Variants in ZNF883 observed in about 807,000 individuals in gnomAD.
ZNF883 encodes zinc finger protein 883.
downstream of ZNF883, among the ~76,000 whole-genome samples, chr9:112,995,745 A>G (rs908378604): frequency 6.6e-6 from 1 of 152,140 alleles, no homozygotes; most frequent in Non-Finnish European, 1.5e-5. Flanking sequence ...TCTATTTTTG[A>G]AATAGTCTAG....
exon 1 of ZNF883, chr9:112,997,127 G>A: frequency 6.3e-7 from 1 of 1,597,458 alleles, no homozygotes; most frequent in South Asian, 1.1e-5. Context: ...TCATTACTCT[G>A]CTAAGGTTTC....
exon 1 of ZNF883, chr9:112,998,183 G>A: frequency 6.2e-7 from 1 of 1,613,852 alleles, no homozygotes; most frequent in South Asian, 1.1e-5. Context: ...GGTCAGGGAT[G>A]CAAGACAAGT....
At chr9:112,999,177 T>A (rs1452033515), upstream of ZNF883, 1 of 152,184 alleles carries the variant, frequency 6.6e-6, no homozygotes, top group East Asian at 1.9e-4. Flanking sequence ...CATTCATCAG[T>A]TACAGAAAAT....
At chr9:112,989,090 CTGA>C (rs1460925696) in intron 1 of ZNF883, among the ~76,000 whole-genome samples, 4 of 152,148 alleles carry the variant, frequency 2.6e-5, no homozygotes, top group Admixed American at 6.6e-5. Context: ...TCTGTTCACT[CTGA>C]TGATAGTTTC....
rs78501799 is a variant in ZNF883 at position 113,011,571 on chromosome 9, C to A, written n.79-344G>T. The stretch of plus-strand genomic sequence containing the variant: ...GAACAAACAATTGCTCTTCGTCGCC[C>A]GCAGAGTGTAGGGAATCAATTCCAC... On this transcript the variant is annotated intron_variant and non_coding_transcript_variant, in intron 1 of 4. Coordinates refer to the ZNF883 transcript ENST00000638622. Among the ~76,000 whole-genome samples the A allele has an allele frequency of 2.9e-3, 437 of 152,252 alleles. 1 individual carries two copies. Among genetic ancestry groups the A allele is most frequent in the Non-Finnish European group, 3.8e-3 (260 of 68,016 alleles).
downstream of ZNF883, chr9:112,997,068 T>C (rs1343816894): frequency 6.8e-7 from 1 of 1,475,912 alleles, no homozygotes; most frequent in Admixed American, 2.5e-5. Flanking sequence ...GAACTGTGAG[T>C]GCTCAGGTGT....
chr9:113,007,188 C>T (rs754011989), intron 2 of ZNF883, among the ~76,000 whole-genome samples: 3 of 152,110 alleles, frequency 2.0e-5, no homozygotes, highest in African/African-American at 2.4e-5. Flanking sequence ...AGCAAGACTC[C>T]GTCTCAAAAG....
exon 1 of ZNF883, chr9:112,997,200 A>G: frequency 6.2e-7 from 1 of 1,613,902 alleles, no homozygotes; most frequent in African/African-American, 1.3e-5. Flanking sequence ...ACATCACCAC[A>G]CTTAGTACAT....
At chr9:112,992,690 TTCTC>T (rs1343177084), downstream of ZNF883, among the ~76,000 whole-genome samples, 1 of 152,142 alleles carries the variant, frequency 6.6e-6, no homozygotes, top group Non-Finnish European at 1.5e-5. Flanking sequence ...CTTGGTTCCA[TTCTC>T]TCTCAGGTAC....
At chr9:112,997,199 C>T (rs969451031) in exon 1 of ZNF883, 2 of 1,613,888 alleles carry the variant, frequency 1.2e-6, no homozygotes, top group Non-Finnish European at 1.7e-6. Context: ...GACATCACCA[C>T]ACTTAGTACA....
chr9:112,998,556 G>T, upstream of ZNF883: 1 of 229,140 alleles, frequency 4.4e-6, no homozygotes, highest in Non-Finnish European at 8.4e-6. Flanking sequence ...AATATTATAT[G>T]GAAAATTCCA....
downstream of ZNF883, among the ~76,000 whole-genome samples, chr9:112,995,207 G>A (rs576880992): frequency 9.3e-5 from 14 of 151,232 alleles, no homozygotes; most frequent in East Asian, 2.7e-3. Flanking sequence ...AGAATAAAAG[G>A]CTGAGTAAGA....
chr9:113,003,940 G>A (rs558150909), intron 2 of ZNF883, among the ~76,000 whole-genome samples: 1 of 100,594 alleles, frequency 9.9e-6, no homozygotes, highest in African/African-American at 4.4e-5. Flanking sequence ...AAAAAGGTAT[G>A]TTGTAATCCT....
chr9:112,993,675 G>A (rs560282360), downstream of ZNF883, among the ~76,000 whole-genome samples: 1 of 152,334 alleles, frequency 6.6e-6, no homozygotes, highest in African/African-American at 2.4e-5. Context: ...TTGATCCATG[G>A]AGACCACAGC....
exon 1 of ZNF883, chr9:112,997,517 C>G (rs201402217): frequency 8.1e-6 from 13 of 1,614,008 alleles, no homozygotes; most frequent in Non-Finnish European, 9.3e-6. Context: ...ATGTGCACTC[C>G]GATTGAAGGC....
downstream of ZNF883, among the ~76,000 whole-genome samples, chr9:112,993,285 T>C (rs185387045): frequency 1.6e-4 from 24 of 152,378 alleles, no homozygotes; most frequent in African/African-American, 5.5e-4. Context: ...GATACTGTTG[T>C]TGCTGTTGCT....
chr9:113,010,582 A>G (rs897100702), intron 2 of ZNF883, among the ~76,000 whole-genome samples: 3 of 152,238 alleles, frequency 2.0e-5, no homozygotes, highest in Admixed American at 1.3e-4. Flanking sequence ...AATGAAAAGT[A>G]CGTGAGGTGA....
intron 2 of ZNF883, among the ~76,000 whole-genome samples, chr9:113,003,338 C>G (rs1365537265): frequency 1.3e-5 from 2 of 152,162 alleles, no homozygotes; most frequent in African/African-American, 2.4e-5. Context: ...GATTATGAGG[C>G]CTTCCCAGCT....
chr9:113,008,712 A>T (rs1004426652), intron 2 of ZNF883, among the ~76,000 whole-genome samples: 1 of 152,104 alleles, frequency 6.6e-6, no homozygotes, highest in Non-Finnish European at 1.5e-5. Flanking sequence ...TGACTGTCCC[A>T]GGCACTGTCC....
Sources: gnomAD v4.1 joint callset for allele counts (sites outside exome capture counted in the v4.1 genomes callset) on GRCh38, gnomAD v4.1.1 for gene constraint, MANE v1.5 for transcripts, NCBI Gene and HGNC (gene_info 2026-07-23, HGNC 2026-07-21) for gene names.